Variants in CACNA2D3 observed in about 807,000 individuals in gnomAD.
CACNA2D3 encodes the protein voltage-dependent calcium channel subunit alpha-2/delta-3.
In CACNA2D3, 60 loss-of-function variants were observed where a neutral mutation model predicts 160.6. The observed-to-expected ratio is 0.37, with a 90% CI of 0.30 to 0.46. The LOEUF (loss-of-function observed/expected upper bound fraction) is 0.46, where lower values mean the gene tolerates loss of function less well. Ranked by LOEUF, CACNA2D3 falls within the 20% of genes least tolerant of loss-of-function variation. CACNA2D3 has a pLI of 1.00. For synonymous variants in CACNA2D3, 558 were observed against 492.9 expected (o/e 1.13, Z -1.75); for missense variants, 1,205 against 1,365.0 (o/e 0.88, Z 1.85).
chr3:54,881,910 G>T (rs545771455), intron 21 of CACNA2D3, among the ~76,000 whole-genome samples: 1 of 152,318 alleles, frequency 6.6e-6, no homozygotes, highest in East Asian at 1.9e-4. Flanking sequence ...GATAGCCTCT[G>T]ATTTACTGCC....
At chr3:54,469,409 C>T (rs1700688573) in intron 4 of CACNA2D3, among the ~76,000 whole-genome samples, 1 of 152,132 alleles carries the variant, frequency 6.6e-6, no homozygotes, top group South Asian at 2.1e-4. Context: ...ACACAAAAAC[C>T]TCATCCGAAT....
Position 54,463,520 on chromosome 3 carries a change from C to A in CACNA2D3, c.382-39972C>A, listed in dbSNP as rs180815732. 8.8e-4 allele frequency among the ~76,000 whole-genome samples: 134 copies of A among 152,250 alleles called. 1 individual carries two copies. The highest frequency in any genetic ancestry group is 2.5e-3 in the Admixed American group (38 of 15,292). On this transcript the variant is annotated intron_variant, in intron 4 of 37. Transcript: ENST00000474759. ...ACTTCTCATCTTGCTTCATTTCATT[C>A]ATTTCATCTTCCATCACTGATACCC...
chr3:54,639,704 G>T (rs1289964845), intron 10 of CACNA2D3: 3 of 193,254 alleles, frequency 1.6e-5, no homozygotes, highest in Non-Finnish European at 3.1e-5. Flanking sequence ...GAGGACAGGG[G>T]ATTGATCTCC....
In CACNA2D3 at chr3:54,288,054, G is replaced by T. The variant is rs569687644; in HGVS notation, c.205-32388G>T. ...AAACACATTCAAAAGCTAGCAGAAG[G>T]CAAGAAATAACTAAAATCAGAGCAG... On this transcript the variant is annotated intron_variant, in intron 2 of 37. Coordinates refer to ENST00000474759, the MANE Select transcript of CACNA2D3 (RefSeq NM_018398.3). Among the ~76,000 whole-genome samples the T allele has an allele frequency of 3.6e-3, 553 of 151,876 alleles. 6 individuals are homozygous for T. The highest frequency in any genetic ancestry group is 0.012 in the African/African-American group (503 of 41,414).
intron 2 of CACNA2D3, among the ~76,000 whole-genome samples, chr3:54,246,411 G>A (rs1305822986): frequency 3.3e-5 from 5 of 152,188 alleles, no homozygotes; most frequent in African/African-American, 1.2e-4. Context: ...TGGACCTGGG[G>A]GCCGGATGCG....
chr3:54,945,606 C>T (rs1181169449), intron 27 of CACNA2D3, among the ~76,000 whole-genome samples: 2 of 152,172 alleles, frequency 1.3e-5, no homozygotes, highest in Non-Finnish European at 2.9e-5. Flanking sequence ...GTTCTTCAAA[C>T]TTTAGTGTCA....
intron 1 of CACNA2D3, 135 bp from the exon 2 acceptor site, chr3:54,123,378 C>T (rs932255058): frequency 4.6e-6 from 3 of 648,690 alleles, no homozygotes; most frequent in Admixed American, 2.6e-5. Context: ...GCCGCTTTTT[C>T]TATCTTTTCT....
At chr3:54,594,900 A>G (rs141257911) in intron 9 of CACNA2D3, among the ~76,000 whole-genome samples, 267 of 152,310 alleles carry the variant, frequency 1.8e-3, no homozygotes, top group African/African-American at 6.2e-3. Context: ...GGTATACACA[A>G]TCAGTAAGTG....
chr3:54,472,801 A>T (rs1467389858), intron 4 of CACNA2D3, among the ~76,000 whole-genome samples: 1 of 152,212 alleles, frequency 6.6e-6, no homozygotes. Context: ...TACAAAGAGA[A>T]TAAAACACCT....
chr3:54,624,011 G>C (rs1277220705), intron 9 of CACNA2D3, among the ~76,000 whole-genome samples: 2 of 152,078 alleles, frequency 1.3e-5, no homozygotes, highest in Admixed American at 1.3e-4. Flanking sequence ...AGGGTGTGGA[G>C]GAGGAGAAGA....
In CACNA2D3 at chr3:54,763,769, G is replaced by GTATATATATACACATATATATGTA. The variant is rs71096448; in HGVS notation, c.1247-442_1247-441insATACACATATATATGTATATATAT. On this transcript the variant is annotated intron_variant, in intron 12 of 37. Coordinates refer to ENST00000474759, the MANE Select transcript of CACNA2D3 (RefSeq NM_018398.3). ...TGTGCATATATATACACATATATAT[G>GTATATATATACACATATATATGTA]TATATATGTACATATATATGTATAT... 1.4e-4 allele frequency among the ~76,000 whole-genome samples: 7 copies of GTATATATATACACATATATATGTA among 49,320 alleles called. 1 individual carries two copies. The highest frequency in any genetic ancestry group is 2.2e-4 in the Non-Finnish European group (6 of 26,782). The allele number at this position is 49,320 out of a possible 152,430, so 32.4% of individuals were successfully genotyped here. A position where few individuals can be genotyped will look rare whatever the true frequency, so the allele number is the denominator to read the frequency against.
chr3:54,705,625 A>G (rs746512248), intron 11 of CACNA2D3, among the ~76,000 whole-genome samples: 1 of 152,198 alleles, frequency 6.6e-6, no homozygotes, highest in African/African-American at 2.4e-5. Flanking sequence ...GTATTTTAGC[A>G]CAGGATTGTA....
intron 2 of CACNA2D3, among the ~76,000 whole-genome samples, chr3:54,172,058 C>T (rs967170535): frequency 6.6e-6 from 1 of 152,206 alleles, no homozygotes; most frequent in Non-Finnish European, 1.5e-5. Context: ...ATCTGTCGAG[C>T]ATTTTCCTTG....
At chr3:54,883,816 T>TCTCTCTCTCTCTCTC (rs1699861382) in intron 21 of CACNA2D3, among the ~76,000 whole-genome samples, 1 of 142,070 alleles carries the variant, frequency 7.0e-6, no homozygotes, top group African/African-American at 2.7e-5. Context: ...TCTCTCTCTC[T>TCTCTCTCTCTCTCTC]CTCTCTCCTC....
At chr3:54,862,160 C>T (rs1391583448) in intron 17 of CACNA2D3, among the ~76,000 whole-genome samples, 1 of 152,062 alleles carries the variant, frequency 6.6e-6, no homozygotes, top group Non-Finnish European at 1.5e-5. Flanking sequence ...TACTGTAAAG[C>T]ACAGTATCCT....
chr3:54,180,408 C>T (rs1206431791), intron 2 of CACNA2D3, among the ~76,000 whole-genome samples: 3 of 152,142 alleles, frequency 2.0e-5, no homozygotes, highest in East Asian at 1.9e-4. Flanking sequence ...ATCTGTCGAC[C>T]GAGTGAATGA....
At chr3:54,460,840 C>A (rs543698923) in intron 4 of CACNA2D3, among the ~76,000 whole-genome samples, 6 of 151,606 alleles carry the variant, frequency 4.0e-5, no homozygotes, top group Non-Finnish European at 5.9e-5. Flanking sequence ...GAGAGGGCAT[C>A]CCTGTCTTGT....
chr3:54,647,022 A>G (rs924511465), intron 11 of CACNA2D3, among the ~76,000 whole-genome samples: 3 of 152,242 alleles, frequency 2.0e-5, no homozygotes, highest in Admixed American at 6.5e-5. Flanking sequence ...TGACAGCCAG[A>G]AAAAGGCTGG....
chr3:54,233,898 G>C (rs1382017879), intron 2 of CACNA2D3, among the ~76,000 whole-genome samples: 1 of 152,110 alleles, frequency 6.6e-6, no homozygotes, highest in Non-Finnish European at 1.5e-5. Context: ...CACCAAATAA[G>C]TTTTCATGAA....
Sources: gnomAD v4.1 joint callset for allele counts (sites outside exome capture counted in the v4.1 genomes callset) on GRCh38, gnomAD v4.1.1 for gene constraint, MANE v1.5 for transcripts, NCBI Gene and HGNC (gene_info 2026-07-23, HGNC 2026-07-21) for gene names.